MZT2B: variants seen among roughly 807,000 people sequenced by gnomAD.
The protein encoded by MZT2B is mitotic-spindle organizing protein 2B.
In MZT2B, 11 loss-of-function variants were observed where a neutral mutation model predicts 12.1. The observed-to-expected ratio is 0.91, with a 90% CI of 0.57 to 1.50. MZT2B has a LOEUF of 1.50. Ranked by LOEUF, MZT2B falls within the 40% of genes most tolerant of loss-of-function variation. MZT2B has a pLI of 0.00. For missense variants in MZT2B, 209 were observed against 227.7 expected, an observed-to-expected ratio of 0.92 and a Z score of 0.53; for synonymous variants, 85 against 109.5, an observed-to-expected ratio of 0.78 and a Z score of 1.40.
chr2:130,194,110 A>G (rs370340460), downstream of MZT2B: 130 of 1,614,088 alleles, frequency 8.1e-5, no homozygotes, highest in Non-Finnish European at 1.0e-4. Flanking sequence ...GGGCCCCATC[A>G]AATCGCAGGG....
chr2:130,191,768 T>C (rs374441016), downstream of MZT2B: 2 of 1,564,366 alleles, frequency 1.3e-6, no homozygotes, highest in Non-Finnish European at 1.7e-6. Context: ...GAATCTTTAA[T>C]TGCAAACAAC....
the MZT2B span, among the ~76,000 whole-genome samples, chr2:130,196,825 C>G: frequency 6.6e-6 from 1 of 152,164 alleles, no homozygotes; most frequent in South Asian, 2.1e-4. Flanking sequence ...TCTCTGCCCC[C>G]CAGTTCTACC....
the MZT2B span, chr2:130,196,460 A>G: frequency 2.6e-6 from 4 of 1,518,974 alleles, no homozygotes; most frequent in East Asian, 4.7e-5. Flanking sequence ...TAATATTTAT[A>G]TAGTGCTTCA....
At chr2:130,187,985 A>T (rs1188794468) in intron 2 of MZT2B, 1 of 152,062 alleles carries the variant, frequency 6.6e-6, no homozygotes, top group Non-Finnish European at 1.5e-5. Context: ...TTGGGGCAGC[A>T]ATGAACTGTG....
At chr2:130,197,490 C>T in the MZT2B span, among the ~76,000 whole-genome samples, 1 of 67,004 alleles carries the variant, frequency 1.5e-5, no homozygotes, top group African/African-American at 8.4e-5. Context: ...TGAGTGCTGT[C>T]TCAAAAAAAA....
At chr2:130,182,093 C>T (rs1160706348), upstream of MZT2B, 2 of 1,346,916 alleles carry the variant, frequency 1.5e-6, no homozygotes, top group Admixed American at 3.2e-5. Flanking sequence ...GAGCGCCGCT[C>T]AGCACACCGT....
At chr2:130,185,035 C>T (rs746847766) in intron 2 of MZT2B, 7 of 342,816 alleles carry the variant, frequency 2.0e-5, no homozygotes, top group Non-Finnish European at 2.5e-5. Context: ...CAGGGCTGGG[C>T]GCGGTGGCTC....
intron 2 of MZT2B, chr2:130,185,029 G>A: frequency 2.5e-6 from 1 of 398,500 alleles, no homozygotes; most frequent in South Asian, 1.0e-4. Context: ...GCCAGGCAGG[G>A]CTGGGCGCGG....
the MZT2B span, among the ~76,000 whole-genome samples, chr2:130,203,719 G>C: frequency 6.6e-6 from 1 of 152,164 alleles, no homozygotes; most frequent in African/African-American, 2.4e-5. Flanking sequence ...AAAGTGCTGG[G>C]ATGACAGGCT....
chr2:130,189,242 G>A (rs1417724625), intron 2 of MZT2B, among the ~76,000 whole-genome samples: 1 of 152,156 alleles, frequency 6.6e-6, no homozygotes, highest in African/African-American at 2.4e-5. Context: ...AGGGGGTGGG[G>A]TGTGGAGTTT....
chr2:130,202,284 A>G, the MZT2B span: 5 of 1,280,922 alleles, frequency 3.9e-6, no homozygotes, highest in South Asian at 1.3e-5. Context: ...CTACACAGAA[A>G]GGAACACAAA....
chr2:130,190,756 T>TG, downstream of MZT2B: 7 of 1,377,742 alleles, frequency 5.1e-6, no homozygotes, highest in Non-Finnish European at 5.7e-6. Context: ...TTTTTTTTGT[T>TG]TTTTTTTTTA....
downstream of MZT2B, chr2:130,191,702 C>T (rs1183949971): frequency 2.7e-6 from 4 of 1,479,272 alleles, no homozygotes; most frequent in Non-Finnish European, 3.6e-6. Flanking sequence ...GGGGTCCCAC[C>T]AGCTCCTGTA....
intron 2 of MZT2B, among the ~76,000 whole-genome samples, chr2:130,189,203 AAG>A (rs752563711): frequency 4.6e-5 from 7 of 152,152 alleles, no homozygotes; most frequent in Non-Finnish European, 8.8e-5. Flanking sequence ...ACAGCCAGGA[AAG>A]AGGTTGTGCC....
intron 2 of MZT2B, chr2:130,184,797 C>T: frequency 7.1e-6 from 7 of 985,428 alleles, no homozygotes; most frequent in Non-Finnish European, 8.4e-6. Flanking sequence ...GGAGCCAGGC[C>T]TAGCTCTCAG....
At chr2:130,182,045 C>T (rs1324706922), upstream of MZT2B, 2 of 1,346,428 alleles carry the variant, frequency 1.5e-6, no homozygotes, top group East Asian at 3.3e-5. Flanking sequence ...CGCCAAGCAG[C>T]GGACCCCTGC....
rs527948398 is a variant in MZT2B, at chr2:130,190,289, G to A, written c.320-180G>A. 1.8e-4 allele frequency among the ~76,000 whole-genome samples: 28 copies of A among 152,350 alleles called. No individual in the cohort carries two copies. The South Asian group carries it at 5.4e-3, about 29-fold the overall frequency. ...CCTGCACACTGCGAAGGGCTTCTGGGGCGTGACCTGTCTTTAGTGGTTCTG... is the reference window on the plus strand; with the variant it reads ...CCTGCACACTGCGAAGGGCTTCTGGAGCGTGACCTGTCTTTAGTGGTTCTG... On this transcript the variant is annotated intron_variant, in intron 2 of 2. Coordinates refer to ENST00000281871, the MANE Select transcript of MZT2B (RefSeq NM_025029.5).
intron 2 of MZT2B, chr2:130,188,157 G>A (rs1690127490): frequency 6.6e-6 from 1 of 152,394 alleles, no homozygotes; most frequent in Non-Finnish European, 1.5e-5. Context: ...GGGAGGAGAG[G>A]AAGCTCAGAT....
chr2:130,194,973 C>G (rs866424776), downstream of MZT2B: 12 of 1,550,814 alleles, frequency 7.7e-6, no homozygotes, highest in Admixed American at 3.6e-5. Context: ...CCACCGCGCC[C>G]GGCCAAGATG....
Sources: allele counts gnomAD v4.1 joint callset (sites outside exome capture counted in the v4.1 genomes callset), GRCh38; gene constraint gnomAD v4.1.1; transcripts MANE v1.5; gene names NCBI Gene and HGNC (gene_info 2026-07-23, HGNC 2026-07-21).